CFAP52: variants seen among roughly 807,000 people sequenced by gnomAD.
CFAP52 encodes cilia and flagella associated protein 52, also known as cilia- and flagella-associated protein 52.
In CFAP52, 57 loss-of-function variants were observed where a neutral mutation model predicts 70.5. The observed-to-expected ratio is 0.81, with a 90% CI of 0.65 to 1.01. The LOEUF (loss-of-function observed/expected upper bound fraction) is 1.01. Among genes scored for constraint, CFAP52 ranks in the 50% least tolerant of loss-of-function variants. The pLI is 0.00. For missense variants in CFAP52, 785 were observed against 788.5 expected, an observed-to-expected ratio of 1.00 and a Z score of 0.05; for synonymous variants, 267 against 292.5, an observed-to-expected ratio of 0.91 and a Z score of 0.89.
At chr17:9,590,718 G>A (rs1334195453) in intron 3 of CFAP52, among the ~76,000 whole-genome samples, 1 of 152,070 alleles carries the variant, frequency 6.6e-6, no homozygotes, top group Admixed American at 6.5e-5. Context: ...AGGTTAATCT[G>A]GCAAAACTGT....
At chr17:9,613,680 G>T (rs1036739458) in intron 8 of CFAP52, among the ~76,000 whole-genome samples, 6 of 151,960 alleles carry the variant, frequency 3.9e-5, no homozygotes, top group Non-Finnish European at 7.4e-5. Context: ...ACCACGCCCG[G>T]CTAATTTTTT....
At chr17:9,629,474 CCTTT>C (rs71995451) in intron 9 of CFAP52, among the ~76,000 whole-genome samples, 10,989 of 148,780 alleles carry the variant, frequency 0.074, 420 homozygotes, top group South Asian at 0.12. Flanking sequence ...TCTTTCTTTC[CCTTT>C]CTTTCTTTCT....
At chr17:9,613,857 G>C (rs538730404) in intron 8 of CFAP52, among the ~76,000 whole-genome samples, 6 of 151,662 alleles carry the variant, frequency 4.0e-5, no homozygotes, top group African/African-American at 1.5e-4. Context: ...TGTAGTTTCC[G>C]TTCCCTGAAT....
intron 4 of CFAP52, among the ~76,000 whole-genome samples, chr17:9,596,093 A>G (rs1028958583): frequency 1.1e-4 from 16 of 139,378 alleles, no homozygotes; most frequent in African/African-American, 3.5e-4. Flanking sequence ...ATATATATAT[A>G]TATATATATG....
chr17:9,576,656 C>T lies in CFAP52; in HGVS notation c.-40C>T. ...CCATAACGACCAGAAGACGCTGCAG[C>T]CACTAGGGAGGAGAGCAAAGTAATC... On this transcript the variant is annotated 5_prime_UTR_variant, in exon 1 of 14. Coordinates refer to ENST00000352665, the MANE Select transcript of CFAP52 (RefSeq NM_145054.5). 1 of 1,562,476 alleles carries T rather than the reference C, an allele frequency of 6.4e-7. No homozygotes were observed. The highest frequency in any genetic ancestry group is 1.7e-4 in the Middle Eastern group (1 of 5,884).
chr17:9,625,866 C>CT (rs1910216492), intron 8 of CFAP52, among the ~76,000 whole-genome samples: 1 of 152,220 alleles, frequency 6.6e-6, no homozygotes, highest in African/African-American at 2.4e-5. Flanking sequence ...GATGTACTCT[C>CT]TGCTTATACT....
At chr17:9,613,506 GTTT>G (rs1909789316) in intron 8 of CFAP52, among the ~76,000 whole-genome samples, 1 of 131,712 alleles carries the variant, frequency 7.6e-6, no homozygotes. Flanking sequence ...GGGGGTTTTT[GTTT>G]GTTTGTTTGT....
chr17:9,627,386 C>T (rs1209420130), intron 8 of CFAP52, among the ~76,000 whole-genome samples: 1 of 152,102 alleles, frequency 6.6e-6, no homozygotes, highest in Admixed American at 6.5e-5. Flanking sequence ...TGGCACATGC[C>T]TGTAATCCCA....
chr17:9,595,492 C>T (rs930753103), intron 4 of CFAP52, among the ~76,000 whole-genome samples: 3 of 152,192 alleles, frequency 2.0e-5, no homozygotes, highest in Admixed American at 6.5e-5. Context: ...GCTGTGGCGA[C>T]ACTCTTCAAC....
intron 7 of CFAP52, chr17:9,610,167 T>C (rs1909659172): frequency 6.6e-6 from 1 of 152,150 alleles, no homozygotes; most frequent in Non-Finnish European, 1.5e-5. Flanking sequence ...CATCCAAGTA[T>C]TGTCGATAAT....
chr17:9,603,716 C>T (rs1033684869), intron 6 of CFAP52, among the ~76,000 whole-genome samples: 5 of 152,166 alleles, frequency 3.3e-5, no homozygotes, highest in African/African-American at 4.8e-5. Context: ...ATGTAGATGA[C>T]GGGTAATATA....
At chr17:9,639,075 C>T (rs1910937469) in intron 12 of CFAP52, 1 of 213,246 alleles carries the variant, frequency 4.7e-6, no homozygotes, top group African/African-American at 2.3e-5. Context: ...TGACTAAATT[C>T]AGACAGAAAG....
Position 9,608,176 on chromosome 17 carries a change from G to T in CFAP52, c.811G>T (p.Gly271Ter). 6.2e-7 allele frequency: 1 copy of T among 1,612,292 alleles called. No homozygotes were observed. The highest frequency in any genetic ancestry group is 8.5e-7 in the Non-Finnish European group (1 of 1,178,978). Reference protein sequence around the residue: ...MGGLLVGSGAGLLVFCKSPGY... With the variant: ...MGGLLVGSGA ...GGGTTTGTTGGTGGGCTCTGGAGCC[G>T]GACTGCTGGTCTTCTGTAAAAGCCC... Residue 271 changes from glycine to a stop codon, truncating the protein, a stop_gained, in exon 7 of 14, where the codon GGA (glycine) becomes TGA (stop). Transcript: ENST00000352665. LOFTEE classifies it high-confidence loss of function.
intron 6 of CFAP52, among the ~76,000 whole-genome samples, chr17:9,601,517 T>C (rs77771659): frequency 2.3e-3 from 351 of 152,364 alleles, no homozygotes; most frequent in Admixed American, 4.1e-3. Context: ...CCCATTGCCA[T>C]ACATAAGAGA....
chr17:9,634,751 A>C (rs139089477), intron 10 of CFAP52, among the ~76,000 whole-genome samples: 1 of 152,138 alleles, frequency 6.6e-6, no homozygotes, highest in African/African-American at 2.4e-5. Flanking sequence ...GAGACGGACC[A>C]AGACTCCATC....
At chr17:9,600,760 G>A (rs1373027447) in intron 6 of CFAP52, among the ~76,000 whole-genome samples, 1 of 152,104 alleles carries the variant, frequency 6.6e-6, no homozygotes. Context: ...TAGAGACGGG[G>A]TTTCACTGAG....
chr17:9,577,124 G>A (rs1444057491), intron 1 of CFAP52, among the ~76,000 whole-genome samples: 1 of 152,190 alleles, frequency 6.6e-6, no homozygotes, highest in Non-Finnish European at 1.5e-5. Context: ...CGCTCGCAAA[G>A]CCCTAGGCTC....
intron 8 of CFAP52, among the ~76,000 whole-genome samples, chr17:9,615,046 G>T (rs1243621696): frequency 8.5e-5 from 13 of 152,162 alleles, no homozygotes; most frequent in Non-Finnish European, 2.9e-5. Flanking sequence ...ATAAGTAAGG[G>T]TAACTTTCTA....
In CFAP52 at chr17:9,576,662, G is replaced by A; in HGVS notation, c.-34G>A. 1.3e-6 allele frequency: 2 copies of A among 1,586,988 alleles called. No homozygotes were observed. The highest frequency in any genetic ancestry group is 8.6e-7 in the Non-Finnish European group (1 of 1,162,684). ...CGACCAGAAGACGCTGCAGCCACTA[G>A]GGAGGAGAGCAAAGTAATCAGAACC... On this transcript the variant is annotated 5_prime_UTR_variant, in exon 1 of 14. Transcript: ENST00000352665.
Sources: allele counts gnomAD v4.1 joint callset (sites outside exome capture counted in the v4.1 genomes callset), GRCh38; gene constraint gnomAD v4.1.1; transcripts MANE v1.5; gene names NCBI Gene and HGNC (gene_info 2026-07-23, HGNC 2026-07-21).